Variants in ZNF804A observed in about 807,000 individuals in gnomAD.
The protein encoded by ZNF804A is zinc finger protein 804A.
A neutral mutation model predicts 16.5 loss-of-function variants in ZNF804A; 2 were observed. That is an observed-to-expected ratio of 0.12 (90% CI 0.05 to 0.38). ZNF804A has a LOEUF of 0.38. ZNF804A is among the 10% of genes least tolerant of loss of function. The pLI is 0.99. For synonymous variants in ZNF804A, 534 were observed against 489.6 expected (o/e 1.09, Z -1.20); for missense variants, 1,473 against 1,390.7 (o/e 1.06, Z -0.94).
chr2:184,668,124 T>C (rs999563177), intron 1 of ZNF804A, among the ~76,000 whole-genome samples: 15 of 151,818 alleles, frequency 9.9e-5, no homozygotes, highest in African/African-American at 3.4e-4. Flanking sequence ...TCAAAGGACA[T>C]ATTATTTTCT....
intron 1 of ZNF804A, among the ~76,000 whole-genome samples, chr2:184,811,242 A>G (rs1694894492): frequency 6.6e-6 from 1 of 152,200 alleles, no homozygotes; most frequent in Non-Finnish European, 1.5e-5. Context: ...AATGACACAT[A>G]AACACCAGCT....
intron 1 of ZNF804A, among the ~76,000 whole-genome samples, chr2:184,684,995 C>G (rs1279461677): frequency 1.3e-5 from 2 of 152,120 alleles, no homozygotes; most frequent in African/African-American, 4.8e-5. Flanking sequence ...CTTGTTCCGC[C>G]CATTCAGCCC....
chr2:184,677,658 A>G (rs2105716747), intron 1 of ZNF804A, among the ~76,000 whole-genome samples: 1 of 152,102 alleles, frequency 6.6e-6, no homozygotes, highest in Admixed American at 6.5e-5. Flanking sequence ...ATTTTAAGTA[A>G]TAGTTATTAT....
intron 2 of ZNF804A, among the ~76,000 whole-genome samples, chr2:184,923,997 T>A (rs1455101828): frequency 2.4e-5 from 3 of 126,024 alleles, no homozygotes; most frequent in East Asian, 2.7e-4. Context: ...GATGTTGACA[T>A]GTAGTTTTGT....
At chr2:184,855,704 T>A (rs2105806294) in intron 1 of ZNF804A, among the ~76,000 whole-genome samples, 1 of 151,648 alleles carries the variant, frequency 6.6e-6, no homozygotes, top group African/African-American at 2.4e-5. Context: ...GTGTGGAAGG[T>A]TTTCAGGAGG....
chr2:184,661,931 A>G (rs1354255343), intron 1 of ZNF804A, among the ~76,000 whole-genome samples: 1 of 152,236 alleles, frequency 6.6e-6, no homozygotes, highest in Non-Finnish European at 1.5e-5. Context: ...AACATTTTAC[A>G]TGCTTGAAAA....
intron 1 of ZNF804A, among the ~76,000 whole-genome samples, chr2:184,845,484 CT>C (rs1425849980): frequency 3.9e-5 from 6 of 152,068 alleles, no homozygotes; most frequent in Non-Finnish European, 5.9e-5. Context: ...TCTTGAAGCC[CT>C]GAGCTCTGTT....
intron 1 of ZNF804A, among the ~76,000 whole-genome samples, chr2:184,681,681 T>A (rs1241491468): frequency 1.3e-5 from 2 of 152,198 alleles, no homozygotes; most frequent in African/African-American, 4.8e-5. Flanking sequence ...GGATGCCAGC[T>A]TCAACAGGGG....
chr2:184,620,008 T>A (rs1267935523), intron 1 of ZNF804A, among the ~76,000 whole-genome samples: 1 of 151,824 alleles, frequency 6.6e-6, no homozygotes, highest in East Asian at 1.9e-4. Context: ...CCTAGGGAAG[T>A]ATATTTTGTA....
intron 1 of ZNF804A, among the ~76,000 whole-genome samples, chr2:184,829,797 C>T (rs1482920739): frequency 6.7e-6 from 1 of 148,362 alleles, no homozygotes; most frequent in African/African-American, 2.5e-5. Context: ...TGTAGTGGCT[C>T]ATGCCTATAA....
intron 1 of ZNF804A, among the ~76,000 whole-genome samples, chr2:184,710,185 G>T (rs1164857614): frequency 6.6e-6 from 1 of 150,398 alleles, no homozygotes; most frequent in Non-Finnish European, 1.5e-5. Flanking sequence ...CTGTACATAT[G>T]TACTTACAAA....
At chr2:184,909,554 A>T (rs973355969) in intron 2 of ZNF804A, among the ~76,000 whole-genome samples, 3 of 152,068 alleles carry the variant, frequency 2.0e-5, no homozygotes, top group African/African-American at 7.2e-5. Flanking sequence ...TCCAACTTTA[A>T]ACTAGTTTAA....
At chr2:184,684,158 C>A (rs923812472) in intron 1 of ZNF804A, among the ~76,000 whole-genome samples, 1 of 152,084 alleles carries the variant, frequency 6.6e-6, no homozygotes, top group African/African-American at 2.4e-5. Context: ...TTGCCTAAGG[C>A]GTAATGAATG....
chr2:184,720,169 A>G (rs1693286859), intron 1 of ZNF804A, among the ~76,000 whole-genome samples: 1 of 152,132 alleles, frequency 6.6e-6, no homozygotes, highest in African/African-American at 2.4e-5. Flanking sequence ...CTCATTGACT[A>G]TCATGAGAAC....
chr2:184,760,601 C>T (rs1300966006), intron 1 of ZNF804A, among the ~76,000 whole-genome samples: 1 of 152,052 alleles, frequency 6.6e-6, no homozygotes, highest in Non-Finnish European at 1.5e-5. Context: ...TCATATTTCA[C>T]CATGACAAAG....
intron 1 of ZNF804A, among the ~76,000 whole-genome samples, chr2:184,831,001 G>A (rs1695254880): frequency 6.6e-6 from 1 of 152,016 alleles, no homozygotes; most frequent in African/African-American, 2.4e-5. Flanking sequence ...CTAGAATAAA[G>A]CTCTGCAACA....
intron 1 of ZNF804A, among the ~76,000 whole-genome samples, chr2:184,696,990 T>C (rs1398873009): frequency 1.3e-5 from 2 of 151,982 alleles, no homozygotes; most frequent in African/African-American, 4.8e-5. Context: ...TTTAGGTTAT[T>C]ATTATTCACT....
At chr2:184,931,481 T>C (rs1682557409) in intron 2 of ZNF804A, among the ~76,000 whole-genome samples, 1 of 152,204 alleles carries the variant, frequency 6.6e-6, no homozygotes, top group African/African-American at 2.4e-5. Flanking sequence ...TTGCACCCTC[T>C]GAAGCAATGG....
At chr2:184,709,847 G>A (rs955157499) in intron 1 of ZNF804A, among the ~76,000 whole-genome samples, 8 of 147,422 alleles carry the variant, frequency 5.4e-5, no homozygotes, top group African/African-American at 1.5e-4. Flanking sequence ...TATTTTTATA[G>A]TATATATTAT....
Sources: gnomAD v4.1 joint callset for allele counts (sites outside exome capture counted in the v4.1 genomes callset) on GRCh38, gnomAD v4.1.1 for gene constraint, MANE v1.5 for transcripts, NCBI Gene and HGNC (gene_info 2026-07-23, HGNC 2026-07-21) for gene names.